Variants in ZPBP observed in about 807,000 individuals in gnomAD.
ZPBP encodes the protein zona pellucida binding protein.
ZPBP carries 26 observed loss-of-function variants against 44.8 expected under a neutral mutation model. The ratio of observed to expected loss-of-function variants is 0.58; its 90% CI spans 0.43 to 0.81. The LOEUF is 0.81. Ranked by LOEUF, ZPBP falls within the 30% of genes least tolerant of loss-of-function variation. ZPBP has a pLI of 0.00. For synonymous variants in ZPBP, 174 were observed against 153.2 expected (o/e 1.14, Z -1.00); for missense variants, 409 against 434.0 (o/e 0.94, Z 0.51).
At chr7:49,849,306 T>C (rs748114361), downstream of ZPBP, among the ~76,000 whole-genome samples, 3 of 152,182 alleles carry the variant, frequency 2.0e-5, no homozygotes, top group Admixed American at 2.0e-4. Flanking sequence ...TTAAATCTGC[T>C]CAAAAGTAAT....
intron 5 of ZPBP, among the ~76,000 whole-genome samples, chr7:50,027,945 C>G (rs1359386066): frequency 6.6e-6 from 1 of 151,726 alleles, no homozygotes; most frequent in Non-Finnish European, 1.5e-5. Flanking sequence ...AAGAAAAAAC[C>G]AGAACCCAAA....
At chr7:50,047,328 C>T (rs1800421461) in intron 4 of ZPBP, among the ~76,000 whole-genome samples, 1 of 151,912 alleles carries the variant, frequency 6.6e-6, no homozygotes, top group African/African-American at 2.4e-5. Flanking sequence ...GATGTCTTCA[C>T]AATATATCAT....
At chr7:49,930,583 A>AACGATACTG (rs1160132932) in intron 1 of ZPBP, among the ~76,000 whole-genome samples, 17 of 152,204 alleles carry the variant, frequency 1.1e-4, no homozygotes, top group Non-Finnish European at 2.1e-4. Context: ...ATGACTTAAA[A>AACGATACTG]ACGATACTGG....
intron 7 of ZPBP, among the ~76,000 whole-genome samples, chr7:49,954,280 T>A (rs1795475652): frequency 1.3e-5 from 2 of 152,100 alleles, no homozygotes; most frequent in African/African-American, 2.4e-5. Context: ...TCATATCAAA[T>A]ACATTAATTA....
intron 7 of ZPBP, chr7:49,943,761 T>C: frequency 4.2e-6 from 1 of 240,834 alleles, no homozygotes; most frequent in Non-Finnish European, 8.1e-6. Flanking sequence ...ATTGGATCTC[T>C]AGCCAGCAAC....
At chr7:49,957,913 T>C (rs1455357252) in intron 7 of ZPBP, among the ~76,000 whole-genome samples, 2 of 152,196 alleles carry the variant, frequency 1.3e-5, no homozygotes, top group Non-Finnish European at 2.9e-5. Flanking sequence ...AACAAAGCCA[T>C]AGAAGTGTGG....
downstream of ZPBP, among the ~76,000 whole-genome samples, chr7:49,936,612 T>C (rs1041952161): frequency 2.6e-5 from 4 of 152,178 alleles, no homozygotes; most frequent in Non-Finnish European, 5.9e-5. Context: ...AGAAAGCTGA[T>C]ACAAATATAA....
At chr7:49,871,947 ACACACACACAC>A (rs1486266971) in intron 2 of ZPBP, among the ~76,000 whole-genome samples, 3 of 140,124 alleles carry the variant, frequency 2.1e-5, no homozygotes, top group Non-Finnish European at 3.1e-5. Context: ...ACACACACAC[ACACACACACAC>A]CGAGAAAGAG....
At chr7:49,915,197 A>C (rs1793650777) in intron 1 of ZPBP, 1 of 152,156 alleles carries the variant, frequency 6.6e-6, no homozygotes, top group Admixed American at 6.5e-5. Context: ...TCATTTCAAA[A>C]ACTTGTATTT....
intron 2 of ZPBP, among the ~76,000 whole-genome samples, chr7:49,877,535 C>A (rs1286483304): frequency 1.3e-4 from 13 of 96,550 alleles, no homozygotes; most frequent in Admixed American, 2.4e-4. Flanking sequence ...TGGTCACTTG[C>A]TTACCTATTT....
At chr7:50,012,281 T>C (rs552137477) in intron 6 of ZPBP, among the ~76,000 whole-genome samples, 1 of 152,188 alleles carries the variant, frequency 6.6e-6, no homozygotes, top group East Asian at 1.9e-4. Flanking sequence ...CTACATGTAC[T>C]TCAGATATAA....
chr7:49,956,441 A>G (rs1055652680), intron 7 of ZPBP, among the ~76,000 whole-genome samples: 7 of 152,112 alleles, frequency 4.6e-5, no homozygotes, highest in Admixed American at 3.9e-4. Flanking sequence ...TAAATGTAGC[A>G]AAGTAGTAGT....
intron 1 of ZPBP, chr7:49,918,482 A>T (rs995598489): frequency 1.3e-4 from 20 of 152,212 alleles, no homozygotes; most frequent in African/African-American, 4.3e-4. Context: ...TAGCCTCCCT[A>T]GTCTAAATGC....
intron 1 of ZPBP, chr7:49,912,223 C>A (rs1468171798): frequency 5.0e-6 from 8 of 1,610,154 alleles, no homozygotes; most frequent in Non-Finnish European, 3.4e-6. Flanking sequence ...TTTTCTAGAA[C>A]ATTTTACTGA....
At chr7:49,957,418 T>C (rs1795654168) in intron 7 of ZPBP, among the ~76,000 whole-genome samples, 1 of 152,116 alleles carries the variant, frequency 6.6e-6, no homozygotes. Flanking sequence ...AGAGGCCTAG[T>C]GGGCCCTCAG....
chr7:50,074,764 A>T (rs1044156638), intron 3 of ZPBP, among the ~76,000 whole-genome samples: 1 of 152,056 alleles, frequency 6.6e-6, no homozygotes, highest in Non-Finnish European at 1.5e-5. Flanking sequence ...ACTCAGATAT[A>T]TAAAGAAAAT....
At chr7:49,957,718 G>C (rs182653564) in intron 7 of ZPBP, among the ~76,000 whole-genome samples, 4 of 152,154 alleles carry the variant, frequency 2.6e-5, no homozygotes, top group Admixed American at 6.5e-5. Flanking sequence ...GCAGAGCCAC[G>C]GCAGAGAGCC....
At chr7:50,012,770 T>C (rs1477477980) in intron 6 of ZPBP, among the ~76,000 whole-genome samples, 1 of 150,268 alleles carries the variant, frequency 6.7e-6, no homozygotes, top group Non-Finnish European at 1.5e-5. Context: ...TATTCAATGT[T>C]GTACTGTAGA....
Position 50,093,220 on chromosome 7 carries a change from C to T in ZPBP, c.-26G>A. ...CCACACGCCGCCGTCGCCTGCCCACCGTCCGCGCGGAAGGTCGTTAGGCAA... is the reference window on the plus strand; with the variant it reads ...CCACACGCCGCCGTCGCCTGCCCACTGTCCGCGCGGAAGGTCGTTAGGCAA... On this transcript the variant is annotated 5_prime_UTR_variant, in exon 1 of 8. Transcript: ENST00000046087. 3 of 1,503,220 alleles carry T rather than the reference C, an allele frequency of 2.0e-6. No individual in the cohort carries two copies. The highest frequency in any genetic ancestry group is 2.4e-4 in the Middle Eastern group (1 of 4,242). The allele number at this position is 1,503,220 out of a possible 1,614,324, so 93.1% of individuals were successfully genotyped here. A position where few individuals can be genotyped will look rare whatever the true frequency, so the allele number is the denominator to read the frequency against.
Sources: gnomAD v4.1 joint callset for allele counts (sites outside exome capture counted in the v4.1 genomes callset) on GRCh38, gnomAD v4.1.1 for gene constraint, MANE v1.5 for transcripts, NCBI Gene and HGNC (gene_info 2026-07-23, HGNC 2026-07-21) for gene names.